Variants in DPP10 observed in about 807,000 individuals in gnomAD.
DPP10 encodes inactive dipeptidyl peptidase 10.
A neutral mutation model predicts 120.9 loss-of-function variants in DPP10; 33 were observed. The ratio of observed to expected loss-of-function variants is 0.27; its 90% CI spans 0.21 to 0.37. The LOEUF (loss-of-function observed/expected upper bound fraction) is 0.37. DPP10 is among the 10% of genes least tolerant of loss of function. The pLI, the probability that DPP10 is intolerant of heterozygous loss-of-function variation, is 1.00. For synonymous variants in DPP10, 337 were observed against 326.1 expected (o/e 1.03, Z -0.36); for missense variants, 816 against 942.8 (o/e 0.87, Z 1.76).
intron 4 of DPP10, among the ~76,000 whole-genome samples, chr2:115,501,321 AAAAC>A (rs1185442827): frequency 6.6e-6 from 1 of 152,104 alleles, no homozygotes; most frequent in Non-Finnish European, 1.5e-5. Flanking sequence ...AAAAGAAACC[AAAAC>A]AAACAGAACT....
chr2:114,994,103 G>T (rs1700927376), intron 1 of DPP10, among the ~76,000 whole-genome samples: 1 of 152,072 alleles, frequency 6.6e-6, no homozygotes, highest in Non-Finnish European at 1.5e-5. Context: ...AATTCTGTAT[G>T]TATTCTGGGC....
intron 1 of DPP10, among the ~76,000 whole-genome samples, chr2:114,795,509 A>G (rs1683631035): frequency 6.6e-6 from 1 of 151,312 alleles, no homozygotes; most frequent in African/African-American, 2.4e-5. Flanking sequence ...AAAAAAAAAA[A>G]GGCTAGTGCT....
chr2:115,660,901 G>C (rs1214831669), intron 5 of DPP10, among the ~76,000 whole-genome samples: 1 of 151,886 alleles, frequency 6.6e-6, no homozygotes, highest in Non-Finnish European at 1.5e-5. Context: ...GTGTCATCAT[G>C]AGAAAATCAA....
At chr2:115,731,367 A>T (rs36043493) in intron 8 of DPP10, among the ~76,000 whole-genome samples, 5 of 148,938 alleles carry the variant, frequency 3.4e-5, no homozygotes, top group Non-Finnish European at 5.9e-5. Context: ...AAAAAAAAAA[A>T]ATTTAACTGG....
chr2:114,608,866 C>T (rs1483958290), intron 1 of DPP10, among the ~76,000 whole-genome samples: 1 of 151,846 alleles, frequency 6.6e-6, no homozygotes, highest in African/African-American at 2.4e-5. Flanking sequence ...AGATGGCAAC[C>T]GTAGAAACTG....
intron 1 of DPP10, among the ~76,000 whole-genome samples, chr2:115,165,593 C>T (rs1256555328): frequency 4.6e-5 from 7 of 152,018 alleles, no homozygotes; most frequent in Non-Finnish European, 8.8e-5. Context: ...TTTATAGGAG[C>T]TTTTTTTGAT....
intron 1 of DPP10, among the ~76,000 whole-genome samples, chr2:115,255,704 G>T (rs1318753113): frequency 6.6e-6 from 1 of 152,150 alleles, no homozygotes; most frequent in African/African-American, 2.4e-5. Flanking sequence ...GCAAAATGCT[G>T]CCAGTCTCTT....
At chr2:114,866,677 A>G (rs1690261863) in intron 1 of DPP10, among the ~76,000 whole-genome samples, 1 of 152,230 alleles carries the variant, frequency 6.6e-6, no homozygotes, top group Admixed American at 6.5e-5. Flanking sequence ...GAGGTGAAAA[A>G]TAAAATGCAA....
At chr2:115,306,093 A>G in intron 1 of DPP10, among the ~76,000 whole-genome samples, 1 of 152,076 alleles carries the variant, frequency 6.6e-6, no homozygotes, top group East Asian at 1.9e-4. Flanking sequence ...TTGTTCAGGT[A>G]AAAATTTTGA....
chr2:114,954,055 G>A (rs1698004563), intron 1 of DPP10, among the ~76,000 whole-genome samples: 1 of 146,824 alleles, frequency 6.8e-6, no homozygotes, highest in South Asian at 2.2e-4. Flanking sequence ...AAAAACCAAT[G>A]AGTTAAAGAT....
chr2:115,767,824 C>T (rs1266369424), intron 12 of DPP10, among the ~76,000 whole-genome samples: 1 of 152,106 alleles, frequency 6.6e-6, no homozygotes, highest in East Asian at 1.9e-4. Context: ...TTTATGAATA[C>T]ATTATCAGAA....
chr2:114,931,367 G>C (rs1416426477), intron 1 of DPP10, among the ~76,000 whole-genome samples: 1 of 152,194 alleles, frequency 6.6e-6, no homozygotes, highest in Admixed American at 6.5e-5. Flanking sequence ...AAAGTGAAGG[G>C]AAGCCAACAT....
intron 1 of DPP10, among the ~76,000 whole-genome samples, chr2:115,102,250 A>T (rs576266653): frequency 6.6e-5 from 10 of 152,300 alleles, no homozygotes; most frequent in African/African-American, 2.4e-4. Flanking sequence ...TTTCACTCAC[A>T]GGGGCTCCAA....
chr2:115,533,051 T>C (rs762512200), intron 5 of DPP10, among the ~76,000 whole-genome samples: 6 of 152,046 alleles, frequency 3.9e-5, no homozygotes, highest in Non-Finnish European at 8.8e-5. Context: ...TAAACAAATT[T>C]ATAGTTTTAT....
chr2:114,455,300 T>G (rs1216002465), intron 1 of DPP10, among the ~76,000 whole-genome samples: 1 of 151,982 alleles, frequency 6.6e-6, no homozygotes, highest in Admixed American at 6.6e-5. Flanking sequence ...ATCCCAGCAC[T>G]TAGGGAGGCC....
At chr2:114,688,221 G>T (rs1306584945) in intron 1 of DPP10, among the ~76,000 whole-genome samples, 2 of 151,942 alleles carry the variant, frequency 1.3e-5, no homozygotes, top group Non-Finnish European at 2.9e-5. Flanking sequence ...GGTGGGGCTA[G>T]CCTGTGGAAA....
intron 4 of DPP10, among the ~76,000 whole-genome samples, chr2:115,513,104 A>C (rs2077318778): frequency 6.6e-6 from 1 of 151,952 alleles, no homozygotes; most frequent in African/African-American, 2.4e-5. Flanking sequence ...TTTTTCTGAT[A>C]GAATGGCCCT....
intron 1 of DPP10, among the ~76,000 whole-genome samples, chr2:115,191,136 C>T (rs2054851954): frequency 6.6e-6 from 1 of 152,138 alleles, no homozygotes; most frequent in South Asian, 2.1e-4. Flanking sequence ...GTAATCTGTA[C>T]TGGGTTACAG....
chr2:114,664,720 CAGATGGCATAGAGCATCCAAA>C (rs1558982358), intron 1 of DPP10, among the ~76,000 whole-genome samples: 11 of 150,812 alleles, frequency 7.3e-5, no homozygotes, highest in East Asian at 2.0e-4. Flanking sequence ...GAGAGGAACA[CAGATGGCATAGAGCATCCAAA>C]AGATGGCATA....
Sources: gnomAD v4.1 joint callset for allele counts (sites outside exome capture counted in the v4.1 genomes callset) on GRCh38, gnomAD v4.1.1 for gene constraint, MANE v1.5 for transcripts, NCBI Gene and HGNC (gene_info 2026-07-23, HGNC 2026-07-21) for gene names.